Variants in ANO3 observed in about 807,000 individuals in gnomAD.
ANO3 encodes the protein anoctamin 3.
ANO3 carries 99 observed loss-of-function variants against 144.8 expected under a neutral mutation model. The ratio of observed to expected loss-of-function variants is 0.68; its 90% CI spans 0.58 to 0.81. The LOEUF (loss-of-function observed/expected upper bound fraction) is 0.81, where lower values mean the gene tolerates loss of function less well. ANO3 is among the 30% of genes least tolerant of loss of function. The probability of loss-of-function intolerance (pLI) is 0.00; values close to 1 mark genes in which losing one functional copy is unlikely to be tolerated. For synonymous variants in ANO3, 414 were observed against 392.6 expected, an observed-to-expected ratio of 1.05 and a Z score of -0.64; for missense variants, 905 against 1,202.2, an observed-to-expected ratio of 0.75 and a Z score of 3.66.
intron 1 of ANO3, among the ~76,000 whole-genome samples, chr11:26,403,977 T>C (rs928549207): frequency 1.3e-5 from 2 of 151,894 alleles, no homozygotes; most frequent in African/African-American, 4.8e-5. Context: ...GATCTCACCT[T>C]TCAAAATTGT....
intron 3 of ANO3, among the ~76,000 whole-genome samples, chr11:26,455,041 T>A (rs1047865675): frequency 6.6e-6 from 1 of 151,412 alleles, no homozygotes; most frequent in Non-Finnish European, 1.5e-5. Context: ...TGCTAAAAAC[T>A]CTCAATAAAT....
intron 14 of ANO3, chr11:26,565,847 T>C (rs11029619): frequency 0.037 from 59,221 of 1,612,488 alleles, 1,240 homozygotes; most frequent in South Asian, 0.048. Flanking sequence ...GAATTTTGGC[T>C]AAGGCCAACA....
chr11:26,276,496 T>C (rs1853562983), intron 1 of ANO3, among the ~76,000 whole-genome samples: 1 of 152,160 alleles, frequency 6.6e-6, no homozygotes, highest in Admixed American at 6.6e-5. Context: ...GCATACAGGC[T>C]GTCTTAGGAT....
chr11:26,551,085 T>C (rs1849919735), intron 12 of ANO3, among the ~76,000 whole-genome samples: 1 of 152,024 alleles, frequency 6.6e-6, no homozygotes, highest in South Asian at 2.1e-4. Context: ...TTCACACTTT[T>C]CCCCAAAAAT....
chr11:26,561,271 A>G, intron 14 of ANO3: 1 of 1,445,128 alleles, frequency 6.9e-7, no homozygotes, highest in East Asian at 2.6e-5. Flanking sequence ...ATACTCTGAA[A>G]GATTCATGTT....
At chr11:26,371,863 G>A (rs953152130) in intron 1 of ANO3, among the ~76,000 whole-genome samples, 1 of 152,172 alleles carries the variant, frequency 6.6e-6, no homozygotes, top group African/African-American at 2.4e-5. Flanking sequence ...GAACTAATGT[G>A]TTATTTATTG....
At chr11:26,292,352 C>T (rs1853979285) in intron 1 of ANO3, among the ~76,000 whole-genome samples, 1 of 151,956 alleles carries the variant, frequency 6.6e-6, no homozygotes, top group Non-Finnish European at 1.5e-5. Context: ...TAATGAGTTC[C>T]AACATCCTAT....
chr11:26,503,579 G>A (rs533953688), intron 4 of ANO3, among the ~76,000 whole-genome samples: 2 of 152,120 alleles, frequency 1.3e-5, no homozygotes, highest in South Asian at 4.1e-4. Context: ...TGACATTTTG[G>A]TATCTACTTT....
chr11:26,393,507 A>G (rs1856932665), intron 1 of ANO3, among the ~76,000 whole-genome samples: 1 of 152,160 alleles, frequency 6.6e-6, no homozygotes. Context: ...CTTCCCATAT[A>G]ATACAATGAA....
At chr11:26,458,721 C>T (rs1859258829) in intron 3 of ANO3, among the ~76,000 whole-genome samples, 2 of 152,026 alleles carry the variant, frequency 1.3e-5, no homozygotes, top group Non-Finnish European at 2.9e-5. Flanking sequence ...GATTACAATG[C>T]AATTAACAAT....
intron 1 of ANO3, among the ~76,000 whole-genome samples, chr11:26,294,492 A>G (rs1854041291): frequency 6.6e-6 from 1 of 152,224 alleles, no homozygotes; most frequent in South Asian, 2.1e-4. Flanking sequence ...GAATGCCTAT[A>G]TAGAACAATA....
intron 1 of ANO3, among the ~76,000 whole-genome samples, chr11:26,402,348 G>A (rs1387790843): frequency 6.6e-6 from 1 of 151,986 alleles, no homozygotes; most frequent in Non-Finnish European, 1.5e-5. Context: ...GGTGTGAGAT[G>A]TTATCTCATT....
chr11:26,455,945 A>G (rs1859139381), intron 3 of ANO3, among the ~76,000 whole-genome samples: 1 of 151,870 alleles, frequency 6.6e-6, no homozygotes. Context: ...CTGATCTTTG[A>G]CAAACCTGAG....
At chr11:26,249,278 C>T (rs994998019) in intron 1 of ANO3, among the ~76,000 whole-genome samples, 1 of 152,052 alleles carries the variant, frequency 6.6e-6, no homozygotes, top group Non-Finnish European at 1.5e-5. Flanking sequence ...TTATAAATGA[C>T]TTTGTGAAAG....
chr11:26,543,582 A>G lies in ANO3; in HGVS notation c.1154+1514A>G, dbSNP rs978880492. Among the ~76,000 whole-genome samples the G allele has an allele frequency of 3.3e-5, 5 of 152,192 alleles. No individual in the cohort carries two copies. The East Asian group carries it at 5.8e-4, about 18-fold the overall frequency. On this transcript the variant is annotated intron_variant, in intron 11 of 26. Transcript: ENST00000256737. ...TGCTAACTCGTTATTTACATTAGGT[A>G]TATCTCCTGATGCTATCCCTCCTCC...
At chr11:26,247,776 T>G (rs1852831397) in intron 1 of ANO3, among the ~76,000 whole-genome samples, 1 of 130,578 alleles carries the variant, frequency 7.7e-6, no homozygotes, top group African/African-American at 2.8e-5. Flanking sequence ...TCGTCCAGGC[T>G]GGAGTGCAGT....
intron 14 of ANO3, chr11:26,565,226 C>T (rs1291805883): frequency 7.2e-6 from 11 of 1,534,548 alleles, no homozygotes; most frequent in East Asian, 2.3e-5. Context: ...TTAAGGTAGG[C>T]TGTAGAGTTG....
upstream of ANO3, among the ~76,000 whole-genome samples, chr11:26,304,847 A>C (rs944922349): frequency 1.3e-5 from 2 of 152,134 alleles, no homozygotes; most frequent in Non-Finnish European, 2.9e-5. Flanking sequence ...TTACTGAGTT[A>C]GAGTGAATAT....
rs138889073 is a variant in ANO3, at chr11:26,463,064, A to T, written c.348A>T (p.Ser116=). The T allele has an allele frequency of 1.3e-6, 2 of 1,595,224 alleles. No individual in the cohort carries two copies. The highest frequency in any genetic ancestry group is 1.7e-6 in the Non-Finnish European group (2 of 1,170,528). Residue 116 remains serine, a synonymous_variant, in exon 4 of 27, where the codon TCA becomes TCT. Coordinates refer to ENST00000256737, the MANE Select transcript of ANO3 (RefSeq NM_031418.4). ...AAGATAAGGATTACACGGATGAATCAGAACACGCTACTTATGACCGATCTC... is the reference window on the plus strand; with the variant it reads ...AAGATAAGGATTACACGGATGAATCTGAACACGCTACTTATGACCGATCTC... ...LGKDKDYTDE[S]EHATYDRSRL...
Sources: allele counts gnomAD v4.1 joint callset (sites outside exome capture counted in the v4.1 genomes callset), GRCh38; gene constraint gnomAD v4.1.1; transcripts MANE v1.5; gene names NCBI Gene and HGNC (gene_info 2026-07-23, HGNC 2026-07-21).